IDE: variants seen among roughly 807,000 people sequenced by gnomAD.
The protein encoded by IDE is insulin degrading enzyme, also known as insulin-degrading enzyme.
Under a neutral mutation model 133.2 loss-of-function variants are expected in IDE, and 58 were observed. That is an observed-to-expected ratio of 0.44 (90% CI 0.35 to 0.54). IDE has a LOEUF of 0.54. Ranked by LOEUF, IDE falls within the 20% of genes least tolerant of loss-of-function variation. IDE has a pLI of 0.00. For missense variants in IDE, 981 were observed against 1,234.0 expected (o/e 0.79, Z 3.07); for synonymous variants, 396 against 421.3 (o/e 0.94, Z 0.73).
At chr10:92,471,659 C>T (rs1453294584) in intron 17 of IDE, among the ~76,000 whole-genome samples, 1 of 152,078 alleles carries the variant, frequency 6.6e-6, no homozygotes, top group Non-Finnish European at 1.5e-5. Flanking sequence ...TTATGCTTCA[C>T]CACCAGACTG....
chr10:92,556,623 T>C (rs1315239353), intron 1 of IDE, among the ~76,000 whole-genome samples: 1 of 152,052 alleles, frequency 6.6e-6, no homozygotes, highest in South Asian at 2.1e-4. Context: ...CCGGGCGTGG[T>C]GGTGGGTACC....
chr10:92,454,742 G>A (rs143979387), intron 24 of IDE, among the ~76,000 whole-genome samples: 30 of 152,196 alleles, frequency 2.0e-4, no homozygotes, highest in African/African-American at 4.6e-4. Context: ...CTGGAGGGTC[G>A]TGAATTGGTC....
intron 21 of IDE, among the ~76,000 whole-genome samples, chr10:92,461,764 A>G (rs1157925354): frequency 1.3e-5 from 2 of 151,338 alleles, no homozygotes; most frequent in East Asian, 1.9e-4. Context: ...TCCCGGGTTC[A>G]TGCCATTCTC....
chr10:92,528,119 T>C (rs1445172451), intron 4 of IDE, among the ~76,000 whole-genome samples: 1 of 152,256 alleles, frequency 6.6e-6, no homozygotes, highest in Non-Finnish European at 1.5e-5. Flanking sequence ...AAATAGGTTT[T>C]GTTGTGCTTC....
chr10:92,550,040 T>C (rs1842706890), intron 1 of IDE, among the ~76,000 whole-genome samples: 1 of 151,912 alleles, frequency 6.6e-6, no homozygotes, highest in Non-Finnish European at 1.5e-5. Flanking sequence ...TGGTGGCGCA[T>C]ACCTGCAATC....
At chr10:92,470,815 C>T (rs937158068) in intron 17 of IDE, among the ~76,000 whole-genome samples, 7 of 152,146 alleles carry the variant, frequency 4.6e-5, no homozygotes, top group African/African-American at 9.7e-5. Flanking sequence ...AAAGGTAATG[C>T]GCCTTTCTCA....
At chr10:92,483,923 C>T (rs1313465914) in intron 13 of IDE, among the ~76,000 whole-genome samples, 3 of 152,220 alleles carry the variant, frequency 2.0e-5, no homozygotes, top group African/African-American at 7.2e-5. Context: ...TCAAGCAACT[C>T]TACAGAGAGG....
intron 4 of IDE, among the ~76,000 whole-genome samples, chr10:92,523,073 G>C (rs988648579): frequency 6.6e-6 from 1 of 152,066 alleles, no homozygotes. Context: ...TTAACTGAGA[G>C]AGAGAAAATT....
intron 8 of IDE, 126 bp downstream of exon 8, chr10:92,507,987 G>T: frequency 1.4e-6 from 1 of 723,870 alleles, no homozygotes; most frequent in African/African-American, 1.8e-5. Context: ...AAAATACAAT[G>T]GATAAGTTGT....
chr10:92,558,569 G>A (rs960807005), intron 1 of IDE, among the ~76,000 whole-genome samples: 1 of 152,036 alleles, frequency 6.6e-6, no homozygotes, highest in African/African-American at 2.4e-5. Context: ...TATCTGATAA[G>A]GGACTTGTAT....
Position 92,463,996 on chromosome 10 carries a change from G to A in IDE, c.2496C>T (p.Ile832=), listed in dbSNP as rs758600182. 38 of 1,611,308 alleles carry A rather than the reference G, an allele frequency of 2.4e-5. No individual in the cohort carries two copies. Among genetic ancestry groups the A allele is most frequent in the Non-Finnish European group, 3.0e-5 (35 of 1,177,744 alleles). Residue 832 remains isoleucine (I), a synonymous_variant, in exon 21 of 25, where the codon ATC becomes ATT. Coordinates refer to ENST00000265986, the MANE Select transcript of IDE (RefSeq NM_004969.4). The stretch of plus-strand genomic sequence containing the variant: ...TAGCTCGACGTGGCCCGCTGAAGAC[G>A]ATATAGCCTGAAACACAGACATCAG... ...TLRTKEQLGY[I]VFSGPRRANG...
chr10:92,483,445 T>C lies in IDE; in HGVS notation c.1657-108A>G, dbSNP rs994744530. ...AGGACAGAAGCAATAGTTAGAGTTT[T>C]GTTCTGGAGTTGCTGTCCCATGGGC... is the stretch of plus-strand genomic sequence containing the variant. On this transcript the variant is annotated intron_variant, in intron 13 of 24. Transcript: ENST00000265986. The C allele has an allele frequency of 3.5e-5, 23 of 663,154 alleles. No individual in the cohort carries two copies. The Admixed American group carries it at 4.8e-4, about 14-fold the overall frequency. 41.1% of individuals were successfully genotyped at this position (663,154 alleles called of 1,614,324 possible).
chr10:92,467,859 G>A (rs1013643339), intron 19 of IDE, among the ~76,000 whole-genome samples: 111 of 152,202 alleles, frequency 7.3e-4, no homozygotes, highest in African/African-American at 2.5e-3. Flanking sequence ...GTATCTCTAA[G>A]CATTCAACAA....
intron 17 of IDE, among the ~76,000 whole-genome samples, chr10:92,470,684 T>C (rs1845920576): frequency 6.6e-6 from 1 of 152,204 alleles, no homozygotes; most frequent in South Asian, 2.1e-4. Flanking sequence ...TCCATATATT[T>C]CATGATCTTA....
At chr10:92,528,012 C>T (rs1849719379) in intron 4 of IDE, among the ~76,000 whole-genome samples, 1 of 152,058 alleles carries the variant, frequency 6.6e-6, no homozygotes, top group Non-Finnish European at 1.5e-5. Flanking sequence ...GTGTGTTTGT[C>T]TTCTTTCTGG....
intron 22 of IDE, among the ~76,000 whole-genome samples, chr10:92,457,828 C>T (rs1307174038): frequency 2.6e-5 from 4 of 152,122 alleles, no homozygotes; most frequent in Non-Finnish European, 4.4e-5. Flanking sequence ...CAATCCTGCC[C>T]GTGGCTCCCC....
intron 2 of IDE, among the ~76,000 whole-genome samples, chr10:92,536,281 G>A (rs1053918050): frequency 6.6e-6 from 1 of 151,542 alleles, no homozygotes; most frequent in Admixed American, 6.6e-5. Flanking sequence ...TACTCAGGAG[G>A]GTGAGGCAGG....
At chr10:92,478,135 T>C (rs1340485019) in intron 15 of IDE, among the ~76,000 whole-genome samples, 1 of 152,208 alleles carries the variant, frequency 6.6e-6, no homozygotes, top group Non-Finnish European at 1.5e-5. Context: ...AGAAAGGATC[T>C]AGTTATTTCT....
intron 4 of IDE, among the ~76,000 whole-genome samples, chr10:92,521,447 T>G: frequency 6.6e-6 from 1 of 150,924 alleles, no homozygotes; most frequent in Non-Finnish European, 1.5e-5. Context: ...ACAAACAACC[T>G]GATTATTCAA....
Sources: allele counts gnomAD v4.1 joint callset (sites outside exome capture counted in the v4.1 genomes callset), GRCh38; gene constraint gnomAD v4.1.1; transcripts MANE v1.5; gene names NCBI Gene and HGNC (gene_info 2026-07-23, HGNC 2026-07-21).